CD1A: variants seen among roughly 807,000 people sequenced by gnomAD.
CD1A encodes CD1a molecule.
CD1A carries 50 observed loss-of-function variants against 38.3 expected under a neutral mutation model. The observed-to-expected ratio is 1.30, with a 90% CI of 1.04 to 1.65. The LOEUF (loss-of-function observed/expected upper bound fraction) is 1.65. CD1A is among the 40% of genes most tolerant of loss of function. The pLI is 0.00. For missense variants in CD1A, 459 were observed against 406.1 expected, an observed-to-expected ratio of 1.13 and a Z score of -1.12; for synonymous variants, 160 against 150.8, an observed-to-expected ratio of 1.06 and a Z score of -0.45.
upstream of CD1A, among the ~76,000 whole-genome samples, chr1:158,250,462 G>A (rs117101026): frequency 3.6e-4 from 55 of 152,308 alleles, no homozygotes; most frequent in East Asian, 0.01. Context: ...AAGCAAGCCC[G>A]GGATATACAA....
At chr1:158,257,569 T>G (rs112190883) in intron 5 of CD1A, 58 bp downstream of exon 5, 1 of 1,574,402 alleles carries the variant, frequency 6.4e-7, no homozygotes, top group East Asian at 2.2e-5. Context: ...TTTCTTCCCA[T>G]GTTTTTTGTT....
Position 158,256,997 on chromosome 1 carries a change from G to T in CD1A, c.816G>T (p.Glu272Asp). The T allele has an allele frequency of 6.2e-7, 1 of 1,614,194 alleles. No homozygotes were observed. Among genetic ancestry groups the T allele is most frequent in the Non-Finnish European group, 8.5e-7 (1 of 1,180,036 alleles). Reference sequence around the variant, plus strand: ...CAACCCTGGAGGTGGCCGCTGGGGAGGCAGCTGACCTGTCCTGTCGGGTGA... The same window carrying T: ...CAACCCTGGAGGTGGCCGCTGGGGATGCAGCTGACCTGTCCTGTCGGGTGA... ...LRATLEVAAG[E>D]AADLSCRVKH... The change falls in exon 4 of 6, where the codon GAG becomes GAT. Residue 272 changes from glutamate (E) to aspartate (D), a missense_variant. By Grantham distance (45) the Glu-to-Asp change is conservative. Transcript: ENST00000289429.
At chr1:158,254,779 C>CTT in intron 1 of CD1A, 52 bp downstream of exon 1, 1 of 1,074,584 alleles carries the variant, frequency 9.3e-7, no homozygotes, top group Non-Finnish European at 1.4e-6. Context: ...GTCTCTCTCT[C>CTT]TCTCTCTGTG....
upstream of CD1A, among the ~76,000 whole-genome samples, chr1:158,250,264 G>C (rs1650050550): frequency 6.6e-6 from 1 of 152,338 alleles, no homozygotes; most frequent in East Asian, 1.9e-4. Context: ...AGATGGCAGA[G>C]AATCAGTGCT....
upstream of CD1A, among the ~76,000 whole-genome samples, chr1:158,252,871 C>T (rs773633086): frequency 3.2e-4 from 48 of 152,196 alleles, 1 homozygote; most frequent in Admixed American, 1.1e-3. Flanking sequence ...GAACTCCAGC[C>T]TGGGTGACAG....
Position 158,254,641 on chromosome 1 carries a change from GA to G in CD1A, c.-28del. ...ACAGAAATCAAAGACCAATTTTTCTGAGAGAAGGAAATAACATCTGCAAATG... is the reference window on the plus strand; with the variant it reads ...ACAGAAATCAAAGACCAATTTTTCTGGAGAAGGAAATAACATCTGCAAATG... On this transcript the variant is annotated 5_prime_UTR_variant, in exon 1 of 6. Transcript: ENST00000289429. The G allele has an allele frequency of 6.2e-7, 1 of 1,613,958 alleles. No individual in the cohort carries two copies. The highest frequency in any genetic ancestry group is 8.5e-7 in the Non-Finnish European group (1 of 1,179,946).
Position 158,255,334 on chromosome 1 carries a change from T to G in CD1A, c.309T>G (p.His103Gln). 6.2e-7 allele frequency: 1 copy of G among 1,613,894 alleles called. No individual in the cohort carries two copies. The highest frequency in any genetic ancestry group is 8.5e-7 in the Non-Finnish European group (1 of 1,179,792). ...TTGAGGGAATTCGTAGATACGCCCATGAATTGCAGTTTGAATGTGAGTTCA... is the reference window on the plus strand; with the variant it reads ...TTGAGGGAATTCGTAGATACGCCCAGGAATTGCAGTTTGAATGTGAGTTCA... ...RSFEGIRRYA[H>Q]ELQFEYPFEI... Residue 103 changes from histidine (H) to glutamine (Q), a missense_variant, in exon 2 of 6, where the codon CAT (histidine) becomes CAG (glutamine). By Grantham distance (24) the His-to-Gln change is conservative. Coordinates refer to ENST00000289429, the MANE Select transcript of CD1A (RefSeq NM_001763.3).
At position 158,257,999 on chromosome 1, in the gene CD1A, A is replaced by G. The variant is rs1259702637; in HGVS notation, c.*309A>G. On this transcript the variant is annotated 3_prime_UTR_variant, in exon 6 of 6. Transcript: ENST00000289429. ...TAATGGATCATCAGGCCTGTTTTAG[A>G]TATCCCTTACTCCAGAGGGCCTTCC... 9.1e-6 allele frequency: 3 copies of G among 331,446 alleles called. No homozygotes were observed. The highest frequency in any genetic ancestry group is 1.7e-5 in the Non-Finnish European group (3 of 179,598). 20.5% of individuals were successfully genotyped at this position (331,446 alleles called of 1,614,324 possible).
intron 4 of CD1A, 142 bp downstream of exon 4, chr1:158,257,206 T>A: frequency 8.4e-7 from 1 of 1,191,168 alleles, no homozygotes; most frequent in Non-Finnish European, 1.2e-6. Flanking sequence ...ATGGAAATGT[T>A]GAAAATGAGG....
chr1:158,254,104 T>C (rs576602315), upstream of CD1A: 13 of 342,222 alleles, frequency 3.8e-5, no homozygotes, highest in Admixed American at 3.3e-4. Flanking sequence ...CTAAGAATAA[T>C]GGAGAAAAGG....
At chr1:158,248,522 C>T in the CD1A span, 81 of 520,232 alleles carry the variant, frequency 1.6e-4, no homozygotes, top group Non-Finnish European at 2.0e-4. Flanking sequence ...ATGGACTTGC[C>T]TAGGATAGCT....
rs375993315 is a variant in CD1A, at chr1:158,255,189, A to T, written c.164A>T (p.His55Leu). 321 of 1,614,052 alleles carry T rather than the reference A, an allele frequency of 2.0e-4. No homozygotes were observed. The highest frequency in any genetic ancestry group is 2.7e-4 in the Non-Finnish European group (314 of 1,180,042). Residue 55 changes from histidine to leucine, a missense_variant, in exon 2 of 6, where the codon CAT becomes CTT. Physicochemically the swap from His to Leu is moderately conservative, Grantham distance 99. Coordinates refer to ENST00000289429, the MANE Select transcript of CD1A (RefSeq NM_001763.3). ...VSGWLSDLQT[H>L]TWDSNSSTIV... ...GGTTGGCTGAGTGATTTGCAGACTCATACCTGGGACAGCAATTCCAGCACC... is the reference window on the plus strand; with the variant it reads ...GGTTGGCTGAGTGATTTGCAGACTCTTACCTGGGACAGCAATTCCAGCACC...
At position 158,255,311 on chromosome 1, in the gene CD1A, G is replaced by A; in HGVS notation, c.286G>A (p.Glu96Lys). Residue 96 changes from glutamate to lysine, a missense_variant, in exon 2 of 6, where the codon GAG (glutamate) becomes AAG (lysine). By Grantham distance (56) the Glu-to-Lys change is moderately conservative. Transcript: ENST00000289429. ...CCGTATACGCACCATTCGGTCATTT[G>A]AGGGAATTCGTAGATACGCCCATGA... ...LFRIRTIRSF[E>K]GIRRYAHELQ... The A allele has an allele frequency of 6.2e-7, 1 of 1,614,148 alleles. No individual in the cohort carries two copies. The highest frequency in any genetic ancestry group is 8.5e-7 in the Non-Finnish European group (1 of 1,180,022).
chr1:158,254,963 T>A (rs190840044), intron 1 of CD1A, 121 bp from the exon 2 acceptor site: 1 of 1,062,758 alleles, frequency 9.4e-7, no homozygotes, highest in East Asian at 2.4e-5. Context: ...AGTGAATGTC[T>A]GCTAAGATCA....
chr1:158,257,265 C>T (rs1467878835), intron 4 of CD1A, among the ~76,000 whole-genome samples, 156 bp from the exon 5 acceptor site: 1 of 151,978 alleles, frequency 6.6e-6, no homozygotes. Context: ...GAATCCATCT[C>T]TGAGCAGGGA....
upstream of CD1A, among the ~76,000 whole-genome samples, chr1:158,250,953 G>T (rs1039170132): frequency 6.6e-6 from 1 of 152,190 alleles, no homozygotes; most frequent in East Asian, 1.9e-4. Flanking sequence ...TAACATGGGG[G>T]TTAGGAGTGA....
chr1:158,254,979 G>A, intron 1 of CD1A, 105 bp from the exon 2 acceptor site: 1 of 1,157,390 alleles, frequency 8.6e-7, no homozygotes, highest in Non-Finnish European at 1.3e-6. Flanking sequence ...GATCATGATG[G>A]ATCCCCTTTT....
At chr1:158,254,788 T>G in intron 1 of CD1A, 61 bp downstream of exon 1, 1 of 26,074 alleles carries the variant, frequency 3.8e-5, no homozygotes, top group Non-Finnish European at 4.9e-5. Context: ...TCTCTCTCTG[T>G]GTGTGTGTGT....
intron 1 of CD1A, 109 bp from the exon 2 acceptor site, chr1:158,254,975 G>C: frequency 6.1e-6 from 7 of 1,142,436 alleles, no homozygotes; most frequent in South Asian, 2.8e-5. Context: ...CTAAGATCAT[G>C]ATGGATCCCC....
Sources: allele counts gnomAD v4.1 joint callset (sites outside exome capture counted in the v4.1 genomes callset), GRCh38; gene constraint gnomAD v4.1.1; transcripts MANE v1.5; gene names NCBI Gene and HGNC (gene_info 2026-07-23, HGNC 2026-07-21).